Variants in RAN observed in about 807,000 individuals in gnomAD.
RAN encodes RAN, member RAS oncogene family.
RAN carries 2 observed loss-of-function variants against 26.8 expected under a neutral mutation model. That is an observed-to-expected ratio of 0.07 (90% CI 0.03 to 0.23). The LOEUF is 0.23. Ranked by LOEUF, RAN falls within the 10% of genes least tolerant of loss-of-function variation. The pLI is 1.00. For synonymous variants in RAN, 132 were observed against 95.9 expected, an observed-to-expected ratio of 1.38 and a Z score of -2.20; for missense variants, 56 against 264.8, an observed-to-expected ratio of 0.21 and a Z score of 5.47.
At chr12:130,872,467 C>T in intron 1 of RAN, 117 bp from the exon 2 acceptor site, 1 of 615,490 alleles carries the variant, frequency 1.6e-6, no homozygotes, top group Non-Finnish European at 2.2e-6. Flanking sequence ...GCCGCCATGG[C>T]GCCGCGGGCG....
chr12:130,874,827 AT>A (rs147801513), intron 5 of RAN, 94 bp downstream of exon 5: 223 of 1,118,560 alleles, frequency 2.0e-4, no homozygotes, highest in Non-Finnish European at 2.2e-4. Context: ...TATGGAAATG[AT>A]TTTTTTTTCC....
chr12:130,875,897 G>T lies in RAN; in HGVS notation c.622G>T (p.Ala208Ser). Residue 208 changes from alanine to serine, a missense_variant, in exon 7 of 7, where the codon GCT (alanine) becomes TCT (serine). This residue lies in a region of RAN where 39 missense variants were observed against 248.7 expected (regional missense o/e 0.16). Coordinates refer to ENST00000543796, the MANE Select transcript of RAN (RefSeq NM_006325.5). ...CTTCGTCTAGGTTGCTCAGACAACTGCTCTCCCGGATGAGGATGATGACCT... is the reference window on the plus strand; with the variant it reads ...CTTCGTCTAGGTTGCTCAGACAACTTCTCTCCCGGATGAGGATGATGACCT... The part of the protein sequence containing the change: ...EHDLEVAQTT[A>S]LPDEDDDL 1 of 1,614,196 alleles carries T rather than the reference G, an allele frequency of 6.2e-7. No homozygotes were observed. The highest frequency in any genetic ancestry group is 8.5e-7 in the Non-Finnish European group (1 of 1,180,020).
chr12:130,874,295 C>G (rs947426119), intron 4 of RAN: 5 of 409,396 alleles, frequency 1.2e-5, no homozygotes, highest in African/African-American at 1.0e-4. Context: ...ACTTCAGATA[C>G]TTTTTTGGGA....
At position 130,873,147 on chromosome 12, in the gene RAN, C is replaced by G. The variant is rs376309428; in HGVS notation, c.247+19C>G. On this transcript the variant is annotated intron_variant, in intron 4 of 6. Transcript: ENST00000543796. ...ATCCAAGGTAGGCATTTGTAACTTG[C>G]TGAACGGTTTTTGAGAGGTTTTGTG... 19 of 1,613,884 alleles carry G rather than the reference C, an allele frequency of 1.2e-5. No individual in the cohort carries two copies. In the African/African-American group the frequency reaches 2.0e-4, roughly 17 times the overall value.
chr12:130,872,188 G>A (rs1953145671), intron 1 of RAN, 62 bp downstream of exon 1: 2 of 165,234 alleles, frequency 1.2e-5, no homozygotes, highest in South Asian at 2.1e-4. Flanking sequence ...CGGCGGGATA[G>A]GGGTCGGAGC....
intron 5 of RAN, 30 bp from the exon 6 acceptor site, chr12:130,875,581 TA>T: frequency 6.6e-7 from 1 of 1,515,804 alleles, no homozygotes; most frequent in Non-Finnish European, 8.9e-7. Flanking sequence ...TAATGAATTT[TA>T]AAAAGTAATT....
rs760345867 is a variant in RAN at position 130,876,951 on chromosome 12, G to A, written c.*1025G>A. 1 of 151,056 alleles carries A rather than the reference G, an allele frequency of 6.6e-6. No individual in the cohort carries two copies. The highest frequency in any genetic ancestry group is 1.9e-4 in the East Asian group (1 of 5,174). 9.4% of individuals were successfully genotyped at this position (151,056 alleles called of 1,614,324 possible). Reference sequence around the variant, plus strand: ...TTTTCCCCCCCGGGAGGGTTTTTTTGTAGGGCAGCACAGCAGAGCAGGACA... The same window carrying A: ...TTTTCCCCCCCGGGAGGGTTTTTTTATAGGGCAGCACAGCAGAGCAGGACA... On this transcript the variant is annotated 3_prime_UTR_variant, in exon 7 of 7. Coordinates refer to ENST00000543796, the MANE Select transcript of RAN (RefSeq NM_006325.5).
At position 130,876,562 on chromosome 12, in the gene RAN, A is replaced by G. The variant is rs1329435291; in HGVS notation, c.*636A>G. On this transcript the variant is annotated 3_prime_UTR_variant, in exon 7 of 7. Coordinates refer to ENST00000543796, the MANE Select transcript of RAN (RefSeq NM_006325.5). ...TGCTCCACCTTCATATTGGCTAGGT[A>G]GGGTCACCTAGGGAAGCACTTGCTC... is the stretch of plus-strand genomic sequence containing the variant. 1 of 152,506 alleles carries G rather than the reference A, an allele frequency of 6.6e-6. No homozygotes were observed. Among genetic ancestry groups the G allele is most frequent in the Non-Finnish European group, 1.5e-5 (1 of 68,288 alleles). The allele number at this position is 152,506 out of a possible 1,614,324, so 9.4% of individuals were successfully genotyped here.
Position 130,875,884 on chromosome 12 carries a change from T to A in RAN, c.609T>A (p.Val203=). 6.2e-7 allele frequency: 1 copy of A among 1,614,084 alleles called. No individual in the cohort carries two copies. The highest frequency in any genetic ancestry group is 2.2e-5 in the East Asian group (1 of 44,900). The change falls in exon 7 of 7, where the codon GTT becomes GTA. Residue 203 remains valine, a splice_region_variant and synonymous_variant. Transcript: ENST00000543796. ...LAAQYEHDLE[V]AQTTALPDED... ...CGTTTTTCCATCTCTTCGTCTAGGT[T>A]GCTCAGACAACTGCTCTCCCGGATG...
At chr12:130,874,252 CT>C (rs1953196519) in intron 4 of RAN, 2 of 315,502 alleles carry the variant, frequency 6.3e-6, no homozygotes, top group Non-Finnish European at 1.2e-5. Flanking sequence ...AATATGGCAG[CT>C]TGGTTATCCA....
Position 130,877,627 on chromosome 12 carries a change from CT to C in RAN, c.*1704del, listed in dbSNP as rs1213148912. 1.3e-5 allele frequency: 2 copies of C among 152,164 alleles called. No individual in the cohort carries two copies. The highest frequency in any genetic ancestry group is 6.5e-5 in the Admixed American group (1 of 15,278). 9.4% of individuals were successfully genotyped at this position (152,164 alleles called of 1,614,324 possible). A position where few individuals can be genotyped will look rare whatever the true frequency, so the allele number is the denominator to read the frequency against. ...TGGTGTGGGAGAGAATTTACAAGTCCTTTATTGAAAGAATAATTGTTGCAAA... is the reference window on the plus strand; with the variant it reads ...TGGTGTGGGAGAGAATTTACAAGTCCTTATTGAAAGAATAATTGTTGCAAA... On this transcript the variant is annotated 3_prime_UTR_variant, in exon 7 of 7. Coordinates refer to ENST00000543796, the MANE Select transcript of RAN (RefSeq NM_006325.5).
chr12:130,876,675 AATC>A lies in RAN; in HGVS notation c.*752_*754del, dbSNP rs1342733075. On this transcript the variant is annotated 3_prime_UTR_variant, in exon 7 of 7. Transcript: ENST00000543796. The stretch of plus-strand genomic sequence containing the variant: ...TAATATTTTCTTTTATGGCAAAAGT[AATC>A]ATGTTTTAATGTAGAACCTCAAACA... 5 of 152,390 alleles carry A rather than the reference AATC, an allele frequency of 3.3e-5. No individual in the cohort carries two copies. The highest frequency in any genetic ancestry group is 4.1e-4 in the South Asian group (2 of 4,832). The allele number at this position is 152,390 out of a possible 1,614,324, so 9.4% of individuals were successfully genotyped here.
chr12:130,877,201 A>G lies in RAN; in HGVS notation c.*1275A>G, dbSNP rs889050866. On this transcript the variant is annotated 3_prime_UTR_variant, in exon 7 of 7. Transcript: ENST00000543796. ...TCTTGAGCTATTTTTTTCTCATACG[A>G]TTACTATAGTCCAGTTTACCAAAGT... is the stretch of plus-strand genomic sequence containing the variant. 1 of 152,148 alleles carries G rather than the reference A, an allele frequency of 6.6e-6. No homozygotes were observed. Among genetic ancestry groups the G allele is most frequent in the Non-Finnish European group, 1.5e-5 (1 of 68,032 alleles). The allele number at this position is 152,148 out of a possible 1,614,324, so 9.4% of individuals were successfully genotyped here.
chr12:130,874,378 G>A (rs1322919915), intron 4 of RAN, 168 bp from the exon 5 acceptor site: 3 of 567,654 alleles, frequency 5.3e-6, no homozygotes, highest in East Asian at 2.9e-5. Flanking sequence ...AGGAGGAATT[G>A]TGTATTAACA....
rs1210951858 is a variant in RAN at position 130,872,604 on chromosome 12, A to G, written c.11A>G (p.Gln4Arg). 6.6e-7 allele frequency: 1 copy of G among 1,524,764 alleles called. No homozygotes were observed. Among genetic ancestry groups the G allele is most frequent in the Non-Finnish European group, 8.8e-7 (1 of 1,139,668 alleles). 94.5% of individuals were successfully genotyped at this position (1,524,764 alleles called of 1,614,324 possible). Reference protein sequence around the residue: MAAQGEPQVQFKLV... With the variant: MAARGEPQVQFKLV... ...CGCAGGAACGCCGCGATGGCTGCGC[A>G]GGGAGAGCCCCAGGTCCAGTTCAAA... is the stretch of plus-strand genomic sequence containing the variant. The change falls in exon 2 of 7, where the codon CAG becomes CGG. Residue 4 changes from glutamine (Q) to arginine (R), a missense_variant. Physicochemically the swap from Gln to Arg is conservative, Grantham distance 43 (BLOSUM62 1). Transcript: ENST00000543796.
At position 130,872,839 on chromosome 12, in the gene RAN, G is replaced by A; in HGVS notation, c.40G>A (p.Val14Ile). 1 of 1,614,228 alleles carries A rather than the reference G, an allele frequency of 6.2e-7. No homozygotes were observed. ...TCCAAAATGTGTTTTTCAACAGCTT[G>A]TATTGGTTGGTGATGGTGGTACTGG... ...QGEPQVQFKLVLVGDGGTGKT... is the reference protein window; with the variant it reads ...QGEPQVQFKLILVGDGGTGKT... The change falls in exon 3 of 7, where the codon GTA becomes ATA. Residue 14 changes from valine (V) to isoleucine (I), a missense_variant. Coordinates refer to ENST00000543796, the MANE Select transcript of RAN (RefSeq NM_006325.5).
At chr12:130,872,703 A>G (rs1593219100) in intron 2 of RAN, 74 bp downstream of exon 2, 3 of 1,547,000 alleles carry the variant, frequency 1.9e-6, no homozygotes. Flanking sequence ...TCCTGGGGCC[A>G]CGATGGCTGT....
intron 2 of RAN, 38 bp from the exon 3 acceptor site, chr12:130,872,798 G>T: frequency 6.2e-7 from 1 of 1,605,604 alleles, no homozygotes; most frequent in Non-Finnish European, 8.5e-7. Context: ...GAGAGGTGAA[G>T]TGTTTAGGGT....
At chr12:130,873,201 C>T in intron 4 of RAN, 73 bp downstream of exon 4, 8 of 1,578,548 alleles carry the variant, frequency 5.1e-6, no homozygotes, top group Non-Finnish European at 6.9e-6. Flanking sequence ...TATAGAAAAT[C>T]AGGTCTGTTC....
Sources: gnomAD v4.1 joint callset for allele counts on GRCh38, gnomAD v4.1.1 for gene constraint, gnomAD v4.1.1 regional missense constraint, MANE v1.5 for transcripts, NCBI Gene and HGNC (gene_info 2026-07-23, HGNC 2026-07-21) for gene names.